Variants in RABGAP1L observed in about 807,000 individuals in gnomAD.
The protein encoded by RABGAP1L is RAB GTPase activating protein 1 like.
RABGAP1L carries 63 observed loss-of-function variants against 137.7 expected under a neutral mutation model. The ratio of observed to expected loss-of-function variants is 0.46; its 90% confidence interval spans 0.37 to 0.56. RABGAP1L has a LOEUF of 0.56. Ranked by LOEUF, RABGAP1L falls within the 20% of genes least tolerant of loss-of-function variation. The pLI is 0.00. For missense variants in RABGAP1L, 1,095 were observed against 1,244.0 expected, an observed-to-expected ratio of 0.88 and a Z score of 1.80; for synonymous variants, 431 against 433.7, an observed-to-expected ratio of 0.99 and a Z score of 0.08.
At chr1:174,250,116 C>T (rs1672601671) in intron 5 of RABGAP1L, among the ~76,000 whole-genome samples, 1 of 152,078 alleles carries the variant, frequency 6.6e-6, no homozygotes, top group East Asian at 1.9e-4. Context: ...TGAAATGTAC[C>T]CCATTATTAA....
At chr1:174,182,028 A>G (rs1666410938) in intron 1 of RABGAP1L, among the ~76,000 whole-genome samples, 1 of 152,250 alleles carries the variant, frequency 6.6e-6, no homozygotes, top group South Asian at 2.1e-4. Context: ...TGACAGTTAC[A>G]GTGGTTAGGT....
At chr1:174,710,754 C>T (rs1453938521) in intron 17 of RABGAP1L, among the ~76,000 whole-genome samples, 1 of 152,214 alleles carries the variant, frequency 6.6e-6, no homozygotes, top group Non-Finnish European at 1.5e-5. Context: ...TATGAAGATA[C>T]TGCATCAACT....
Position 174,448,091 on chromosome 1 carries a change from G to T in RABGAP1L, c.1710+53946G>T, listed in dbSNP as rs774938404. On this transcript the variant is annotated intron_variant, in intron 13 of 25. Transcript: ENST00000681986. This position sits in a 1 kb window ranked among gnomAD's most constrained non-coding sequence, Gnocchi z 4.2. ...CTGCTTGCTGTAGCCAAGTCTGCAGGTGTCTTTAAATTTCCAAGCCATGAA... is the reference window on the plus strand; with the variant it reads ...CTGCTTGCTGTAGCCAAGTCTGCAGTTGTCTTTAAATTTCCAAGCCATGAA... 6.3e-7 allele frequency: 1 copy of T among 1,595,238 alleles called. No homozygotes were observed. The highest frequency in any genetic ancestry group is 8.6e-7 in the Non-Finnish European group (1 of 1,169,584).
intron 19 of RABGAP1L, among the ~76,000 whole-genome samples, chr1:174,912,601 A>G (rs1036478024): frequency 9.2e-5 from 14 of 152,228 alleles, no homozygotes; most frequent in African/African-American, 3.4e-4. Context: ...AGTTTATTTC[A>G]TATGGAAAAT....
intron 13 of RABGAP1L, among the ~76,000 whole-genome samples, chr1:174,484,554 T>TG (rs1265593386): frequency 6.6e-6 from 1 of 152,228 alleles, no homozygotes; most frequent in Non-Finnish European, 1.5e-5. Flanking sequence ...ATTTAAGTCT[T>TG]TAATCCATTT....
chr1:174,281,493 A>G (rs991053034), intron 10 of RABGAP1L, among the ~76,000 whole-genome samples: 2 of 152,226 alleles, frequency 1.3e-5, no homozygotes, highest in Non-Finnish European at 2.9e-5. Flanking sequence ...CTTTAGCTGG[A>G]CAGAAAAGTT....
At chr1:174,736,976 GC>G in intron 17 of RABGAP1L, among the ~76,000 whole-genome samples, 1 of 152,284 alleles carries the variant, frequency 6.6e-6, no homozygotes, top group African/African-American at 2.4e-5. Context: ...GATGGGAGGG[GC>G]TGTCTCCAAG....
At chr1:174,252,376 G>T in intron 6 of RABGAP1L, 104 bp from the exon 7 acceptor site, 1 of 1,350,196 alleles carries the variant, frequency 7.4e-7, no homozygotes, top group South Asian at 1.5e-5. Flanking sequence ...AAGAATAAGG[G>T]TGTTGTTGCT....
intron 4 of RABGAP1L, among the ~76,000 whole-genome samples, chr1:174,239,454 A>T (rs1023204059): frequency 6.6e-6 from 1 of 152,128 alleles, no homozygotes; most frequent in African/African-American, 2.4e-5. Flanking sequence ...ATACTCCCTA[A>T]GTAAATCTTT....
chr1:174,595,679 T>C (rs1238028692), intron 13 of RABGAP1L, among the ~76,000 whole-genome samples: 133 of 145,874 alleles, frequency 9.1e-4, no homozygotes, highest in African/African-American at 3.4e-3. Flanking sequence ...GGGTCAGGGG[T>C]CAGGGACCCA....
chr1:174,372,266 G>A (rs1685169521), intron 12 of RABGAP1L, among the ~76,000 whole-genome samples: 1 of 151,976 alleles, frequency 6.6e-6, no homozygotes, highest in Non-Finnish European at 1.5e-5. Flanking sequence ...AAGGAATGCA[G>A]TCAGTGGTCC....
chr1:174,624,032 G>A (rs1181299871), intron 13 of RABGAP1L, among the ~76,000 whole-genome samples: 2 of 152,192 alleles, frequency 1.3e-5, no homozygotes, highest in Non-Finnish European at 2.9e-5. Context: ...TTGTCCACAG[G>A]ATTAAGTTAA....
At chr1:174,762,204 A>G (rs1179707587) in intron 18 of RABGAP1L, among the ~76,000 whole-genome samples, 1 of 152,188 alleles carries the variant, frequency 6.6e-6, no homozygotes, top group Non-Finnish European at 1.5e-5. Context: ...CTCTTAGGAT[A>G]AAGTTCACAA....
intron 13 of RABGAP1L, chr1:174,548,038 A>G (rs1666163518): frequency 3.2e-6 from 5 of 1,550,580 alleles, no homozygotes; most frequent in East Asian, 4.9e-5. Context: ...ACTTATTAAG[A>G]GGCTTAATGC....
chr1:174,618,081 A>G (rs990162435), intron 13 of RABGAP1L, among the ~76,000 whole-genome samples: 28 of 152,318 alleles, frequency 1.8e-4, no homozygotes, highest in African/African-American at 5.3e-4. Context: ...GCAAGGCAGC[A>G]GCGAGGCTGT....
rs1379575563 is a variant in RABGAP1L at position 174,841,678 on chromosome 1, A to G, written c.2340+29718A>G. ...AAGTAGACAGGAAAGGGCATAAACC[A>G]AGAAATAATGGGGAAATGATAAAAA... is the stretch of plus-strand genomic sequence containing the variant. On this transcript the variant is annotated intron_variant, in intron 19 of 25. Transcript: ENST00000681986. 4.6e-5 allele frequency among the ~76,000 whole-genome samples: 7 copies of G among 152,224 alleles called. No homozygotes were observed. The East Asian group carries it at 9.6e-4, about 21-fold the overall frequency.
At chr1:174,487,386 T>A (rs1659774851) in intron 13 of RABGAP1L, among the ~76,000 whole-genome samples, 1 of 152,236 alleles carries the variant, frequency 6.6e-6, no homozygotes, top group Non-Finnish European at 1.5e-5. Context: ...AGTGACCTTC[T>A]TTGTCTCTTC....
intron 13 of RABGAP1L, among the ~76,000 whole-genome samples, chr1:174,600,264 A>T (rs1670311108): frequency 6.6e-6 from 1 of 152,154 alleles, no homozygotes; most frequent in Non-Finnish European, 1.5e-5. Context: ...ATTCTGGGAG[A>T]TACAATTCAA....
intron 19 of RABGAP1L, among the ~76,000 whole-genome samples, chr1:174,826,888 G>T (rs1691615070): frequency 6.6e-6 from 1 of 152,130 alleles, no homozygotes; most frequent in Non-Finnish European, 1.5e-5. Flanking sequence ...TTTCTCTGAT[G>T]ATTAGTGATG....
Sources: allele counts gnomAD v4.1 joint callset (sites outside exome capture counted in the v4.1 genomes callset), GRCh38; gene constraint gnomAD v4.1.1; non-coding constraint Gnocchi (gnomAD v3.1); transcripts MANE v1.5; gene names NCBI Gene and HGNC (gene_info 2026-07-23, HGNC 2026-07-21).